GAL3ST2: variants seen among roughly 807,000 people sequenced by gnomAD.
GAL3ST2 encodes beta-galactose-3-O-sulfotransferase 2.
Under a neutral mutation model 12.9 loss-of-function variants are expected in GAL3ST2, and 16 were observed. The ratio of observed to expected loss-of-function variants is 1.24; its 90% CI spans 0.84 to 1.88. The LOEUF (loss-of-function observed/expected upper bound fraction) is 1.88. GAL3ST2 is among the 40% of genes most tolerant of loss of function. The pLI is 0.00. For missense variants in GAL3ST2, 639 were observed against 571.8 expected (o/e 1.12, Z -1.20); for synonymous variants, 302 against 273.9 (o/e 1.10, Z -1.01).
intron 1 of GAL3ST2, among the ~76,000 whole-genome samples, chr2:241,779,986 C>CAAA (rs375396600): frequency 1.6e-5 from 2 of 123,148 alleles, no homozygotes. Flanking sequence ...AATCCCGTCT[C>CAAA]AAAAAAAAAA....
chr2:241,788,279 A>G (rs1175284906), intron 1 of GAL3ST2, among the ~76,000 whole-genome samples: 2 of 152,106 alleles, frequency 1.3e-5, no homozygotes, highest in East Asian at 3.9e-4. Context: ...GGTACCATAG[A>G]TGACCTTGCA....
At chr2:241,779,000 G>C (rs541133643) in intron 1 of GAL3ST2, among the ~76,000 whole-genome samples, 1 of 152,158 alleles carries the variant, frequency 6.6e-6, no homozygotes, top group Non-Finnish European at 1.5e-5. Flanking sequence ...GCCCTGAGCA[G>C]TTCCCAGCTA....
At chr2:241,779,346 G>C (rs376803624) in intron 1 of GAL3ST2, among the ~76,000 whole-genome samples, 1 of 140,774 alleles carries the variant, frequency 7.1e-6, no homozygotes, top group South Asian at 2.4e-4. Context: ...CCATTCTCCC[G>C]CCTCAGCCTC....
At chr2:241,777,012 T>G (rs762787795) in intron 1 of GAL3ST2, 28 bp downstream of exon 1, 3 of 1,478,156 alleles carry the variant, frequency 2.0e-6, no homozygotes, top group Non-Finnish European at 2.7e-6. Context: ...ACCCCCCAGG[T>G]GGACAAAGCG....
intron 1 of GAL3ST2, among the ~76,000 whole-genome samples, chr2:241,798,613 G>T (rs1699803655): frequency 6.6e-6 from 1 of 152,184 alleles, no homozygotes; most frequent in Non-Finnish European, 1.5e-5. Flanking sequence ...GTGTGTTAGG[G>T]GTTTGGCCTG....
At chr2:241,787,848 G>C (rs1391832856) in intron 1 of GAL3ST2, among the ~76,000 whole-genome samples, 4 of 151,926 alleles carry the variant, frequency 2.6e-5, no homozygotes, top group Admixed American at 2.6e-4. Context: ...GTTTGTTCTT[G>C]TCTTTCTCTA....
intron 1 of GAL3ST2, among the ~76,000 whole-genome samples, chr2:241,792,082 CG>C (rs1447777946): frequency 6.8e-6 from 1 of 147,664 alleles, no homozygotes; most frequent in African/African-American, 2.5e-5. Context: ...GGCATGATCT[CG>C]GCTCACTGCA....
At chr2:241,791,967 G>A (rs1480543119) in intron 1 of GAL3ST2, among the ~76,000 whole-genome samples, 1 of 147,294 alleles carries the variant, frequency 6.8e-6, no homozygotes, top group Non-Finnish European at 1.5e-5. Flanking sequence ...TTTTTCATTT[G>A]TTTGCCCCAC....
chr2:241,797,568 G>A (rs2125195499), intron 1 of GAL3ST2, among the ~76,000 whole-genome samples: 1 of 151,042 alleles, frequency 6.6e-6, no homozygotes, highest in South Asian at 2.1e-4. Flanking sequence ...TCCTGGGCAG[G>A]GGCCAGTGGG....
At position 241,778,086 on chromosome 2, in the gene GAL3ST2, C is replaced by T. The variant is rs542108046; in HGVS notation, c.29+1102C>T. 5.9e-5 allele frequency among the ~76,000 whole-genome samples: 9 copies of T among 152,346 alleles called. No homozygotes were observed. The East Asian group carries it at 1.3e-3, about 23-fold the overall frequency. On this transcript the variant is annotated intron_variant, in intron 1 of 3. Transcript: ENST00000192314. Reference sequence around the variant, plus strand: ...ACACTAAGGCCAGGGAGCTTTGGCTCCGGGTGTCCCAGGCTTCATTGAGCA... The same window carrying T: ...ACACTAAGGCCAGGGAGCTTTGGCTTCGGGTGTCCCAGGCTTCATTGAGCA...
intron 1 of GAL3ST2, among the ~76,000 whole-genome samples, chr2:241,786,048 T>C (rs1191480177): frequency 1.3e-5 from 2 of 152,220 alleles, no homozygotes; most frequent in Non-Finnish European, 2.9e-5. Flanking sequence ...GGTCTTGTTA[T>C]GTAAATAAAG....
At chr2:241,796,439 G>A (rs961688853) in intron 1 of GAL3ST2, among the ~76,000 whole-genome samples, 3 of 152,140 alleles carry the variant, frequency 2.0e-5, no homozygotes, top group Non-Finnish European at 2.9e-5. Context: ...GAGGACCAGG[G>A]CAGGAGCCCT....
Position 241,795,084 on chromosome 2 carries a change from A to G in GAL3ST2, c.30-3981A>G, listed in dbSNP as rs1310874251. 6.6e-6 allele frequency among the ~76,000 whole-genome samples: 1 copy of G among 151,982 alleles called. No homozygotes were observed. Among genetic ancestry groups the G allele is most frequent in the African/African-American group, 2.4e-5 (1 of 41,384 alleles). On this transcript the variant is annotated intron_variant, in intron 1 of 3. Coordinates refer to ENST00000192314, the MANE Select transcript of GAL3ST2 (RefSeq NM_022134.3). This position sits in a 1 kb window ranked among gnomAD's most constrained non-coding sequence, Gnocchi z 4.5. The stretch of plus-strand genomic sequence containing the variant: ...TGTAACTCCTGCGTGTAAGGACAGA[A>G]ACACCATCTCTCTGCTTGGTGGAAC...
rs996999773 is a variant in GAL3ST2 at position 241,803,807 on chromosome 2, T to C, written c.838T>C (p.Trp280Arg). The C allele has an allele frequency of 6.0e-6, 9 of 1,496,936 alleles. No homozygotes were observed. The African/African-American group carries it at 1.0e-4, about 17-fold the overall frequency. The allele number at this position is 1,496,936 out of a possible 1,614,324, so 92.7% of individuals were successfully genotyped here. The change falls in exon 4 of 4, where the codon TGG becomes CGG. Residue 280 changes from tryptophan (W) to arginine (R), a missense_variant. Trp to Arg is a moderately radical substitution (Grantham distance 101, BLOSUM62 -3). Transcript: ENST00000192314. ...ERARSWCALD[W>R]RLYEHFNRTL... ...CGCGCGGAGCTGGTGCGCGCTGGAC[T>C]GGCGCCTGTACGAGCATTTCAACCG...
intron 1 of GAL3ST2, among the ~76,000 whole-genome samples, chr2:241,790,929 T>A (rs1408262664): frequency 6.6e-6 from 1 of 152,228 alleles, no homozygotes; most frequent in Non-Finnish European, 1.5e-5. Flanking sequence ...CATTCCTTAC[T>A]ATTGATCCCA....
intron 1 of GAL3ST2, among the ~76,000 whole-genome samples, chr2:241,794,831 T>C (rs890180808): frequency 6.6e-6 from 1 of 152,202 alleles, no homozygotes; most frequent in Non-Finnish European, 1.5e-5. Context: ...TCAAATGGTT[T>C]ATAATTTTTG....
In GAL3ST2 at chr2:241,776,976, C is replaced by A; in HGVS notation, c.21C>A (p.Gly7=). 6.5e-7 allele frequency: 1 copy of A among 1,550,050 alleles called. No individual in the cohort carries two copies. The highest frequency in any genetic ancestry group is 1.2e-5 in the South Asian group (1 of 83,370). The change falls in exon 1 of 4, where the codon GGC becomes GGA. Residue 7 remains glycine, a synonymous_variant. Coordinates refer to ENST00000192314, the MANE Select transcript of GAL3ST2 (RefSeq NM_022134.3). The part of the protein sequence containing the change: MMSMLG[G]LQRYFRVILL... Reference sequence around the variant, plus strand: ...CCAAGATGATGTCCATGCTGGGCGGCTTGCAGAGGTAAGGGGGGCAGTTGG... The same window carrying A: ...CCAAGATGATGTCCATGCTGGGCGGATTGCAGAGGTAAGGGGGGCAGTTGG...
Position 241,802,224 on chromosome 2 carries a change from C to CGCCTG in GAL3ST2, c.375+189_375+193dup, listed in dbSNP as rs1295662826. 6.6e-6 allele frequency among the ~76,000 whole-genome samples: 1 copy of CGCCTG among 152,160 alleles called. No homozygotes were observed. The highest frequency in any genetic ancestry group is 1.5e-5 in the Non-Finnish European group (1 of 68,010). ...ACCCCTGCCCCTCCAGGCGGCCAGT[C>CGCCTG]GCCTGCCGTTGCTCTTGGAATGAGA... is the stretch of plus-strand genomic sequence containing the variant. On this transcript the variant is annotated intron_variant, in intron 3 of 3. Coordinates refer to ENST00000192314, the MANE Select transcript of GAL3ST2 (RefSeq NM_022134.3). The surrounding 1 kb of genome is among the most constrained non-coding windows in gnomAD (Gnocchi z 4.8).
At chr2:241,797,846 A>T (rs1241230372) in intron 1 of GAL3ST2, among the ~76,000 whole-genome samples, 1 of 152,084 alleles carries the variant, frequency 6.6e-6, no homozygotes, top group Non-Finnish European at 1.5e-5. Context: ...TTGTGCTCCT[A>T]TGTACCCTGT....
Sources: allele counts gnomAD v4.1 joint callset (sites outside exome capture counted in the v4.1 genomes callset), GRCh38; gene constraint gnomAD v4.1.1; non-coding constraint Gnocchi (gnomAD v3.1); transcripts MANE v1.5; gene names NCBI Gene and HGNC (gene_info 2026-07-23, HGNC 2026-07-21).